Variants in TFB1M observed in about 807,000 individuals in gnomAD.
TFB1M encodes the protein transcription factor B1, mitochondrial.
Under a neutral mutation model 31.1 loss-of-function variants are expected in TFB1M, and 27 were observed. The ratio of observed to expected loss-of-function variants is 0.87; its 90% confidence interval spans 0.64 to 1.20. The LOEUF (loss-of-function observed/expected upper bound fraction) is 1.20, where lower values mean the gene tolerates loss of function less well. TFB1M is among the 50% of genes most tolerant of loss of function. The pLI, the probability that TFB1M is intolerant of heterozygous loss-of-function variation, is 0.00. For synonymous variants in TFB1M, 166 were observed against 151.8 expected (o/e 1.09, Z -0.69); for missense variants, 394 against 418.7 (o/e 0.94, Z 0.51).
chr6:155,250,022 T>A, the TFB1M span: 1 of 1,384,730 alleles, frequency 7.2e-7, no homozygotes, highest in South Asian at 1.3e-5. Context: ...GTGGGGTCTG[T>A]AGGTGACCTT....
chr6:155,240,895 G>A, the TFB1M span, among the ~76,000 whole-genome samples: 1 of 152,176 alleles, frequency 6.6e-6, no homozygotes, highest in African/African-American at 2.4e-5. Context: ...AAGAGCTGAG[G>A]AGACTCAGAA....
chr6:155,285,559 A>T (rs577627628), intron 4 of TFB1M, among the ~76,000 whole-genome samples: 49 of 152,232 alleles, frequency 3.2e-4, no homozygotes, highest in Non-Finnish European at 6.2e-4. Context: ...AACCACTGTT[A>T]TATTCTATAG....
the TFB1M span, among the ~76,000 whole-genome samples, chr6:155,246,000 A>G: frequency 0.05 from 7,633 of 151,986 alleles, 262 homozygotes; most frequent in East Asian, 0.18. Context: ...TTTTCTTGCC[A>G]AATTCCTTTC....
chr6:155,253,047 C>T (rs761456067), downstream of TFB1M: 2 of 1,613,506 alleles, frequency 1.2e-6, no homozygotes, highest in Non-Finnish European at 1.7e-6. Context: ...ACTGGGGAAT[C>T]CAGCAGGTAA....
intron 6 of TFB1M, among the ~76,000 whole-genome samples, chr6:155,258,351 T>C (rs1038385493): frequency 6.6e-6 from 1 of 152,140 alleles, no homozygotes; most frequent in African/African-American, 2.4e-5. Context: ...TAAAGGTAAG[T>C]AAGTAAGTTT....
chr6:155,290,436 TA>T (rs1293383016), intron 4 of TFB1M, among the ~76,000 whole-genome samples: 1 of 146,740 alleles, frequency 6.8e-6, no homozygotes, highest in East Asian at 2.0e-4. Flanking sequence ...ATATAGTATA[TA>T]TATATTCTCC....
At chr6:155,245,758 T>TTTTTG in the TFB1M span, 1 of 1,430,212 alleles carries the variant, frequency 7.0e-7, no homozygotes, top group African/African-American at 1.5e-5. Flanking sequence ...TTTTATAGTT[T>TTTTTG]TTTTTTTTTT....
rs755296671 is a variant in TFB1M, at chr6:155,314,473, C to T, written c.-45G>A. The T allele has an allele frequency of 2.5e-6, 4 of 1,609,020 alleles. No individual in the cohort carries two copies. The highest frequency in any genetic ancestry group is 3.4e-6 in the Non-Finnish European group (4 of 1,176,382). On this transcript the variant is annotated 5_prime_UTR_variant, in exon 1 of 7. Coordinates refer to ENST00000367166, the MANE Select transcript of TFB1M (RefSeq NM_016020.4). ...CCAACCCTACCTCACCCAGGACCTTCACCGCCGCTCCGAAAGAAACGCGCA... is the reference window on the plus strand; with the variant it reads ...CCAACCCTACCTCACCCAGGACCTTTACCGCCGCTCCGAAAGAAACGCGCA...
chr6:155,230,150 GGCT>G, the TFB1M span, among the ~76,000 whole-genome samples: 1 of 151,366 alleles, frequency 6.6e-6, no homozygotes, highest in African/African-American at 2.4e-5. Context: ...AGGCAACAGG[GGCT>G]GCTGAACTCA....
At chr6:155,256,019 A>AGGGG (rs71558246), downstream of TFB1M, 8 of 146,472 alleles carry the variant, frequency 5.5e-5, no homozygotes, top group Admixed American at 7.8e-5. Context: ...TTAAAAAAAA[A>AGGGG]GGGGGGGGGA....
chr6:155,257,886 T>C lies in TFB1M; in HGVS notation c.991A>G (p.Ser331Gly). 6.2e-7 allele frequency: 1 copy of C among 1,614,216 alleles called. No homozygotes were observed. Among genetic ancestry groups the C allele is most frequent in the African/African-American group, 1.3e-5 (1 of 75,044 alleles). Reference sequence around the variant, plus strand: ...TCCTCTTCTTTTTCTTCATTTTTGCTTTTTCTTCGCTTGAGTTCTTCTCTG... The same window carrying C: ...TCCTCTTCTTTTTCTTCATTTTTGCCTTTTCTTCGCTTGAGTTCTTCTCTG... ...NFREELKRRK[S>G]KNEEKEEDDA... The change falls in exon 7 of 7, where the codon AGC becomes GGC. Residue 331 changes from serine (S) to glycine (G), a missense_variant. Transcript: ENST00000367166.
intron 4 of TFB1M, among the ~76,000 whole-genome samples, chr6:155,295,364 C>CA (rs548326228): frequency 0.018 from 1,820 of 102,052 alleles, 25 homozygotes; most frequent in Non-Finnish European, 0.021. Flanking sequence ...AGACTCTGTC[C>CA]AAAAAAAAAA....
chr6:155,254,518 G>GT (rs1442629939), downstream of TFB1M: 2 of 1,614,042 alleles, frequency 1.2e-6, no homozygotes, highest in Non-Finnish European at 1.7e-6. Flanking sequence ...TGGAGAAAAC[G>GT]TGTAAGGATC....
intron 5 of TFB1M, among the ~76,000 whole-genome samples, chr6:155,283,957 AT>A (rs1266411632): frequency 6.6e-6 from 1 of 152,236 alleles, no homozygotes; most frequent in African/African-American, 2.4e-5. Flanking sequence ...CAGTCATCAA[AT>A]TCTGTCTTGG....
chr6:155,303,551 A>G (rs1224921199), intron 2 of TFB1M: 2 of 152,246 alleles, frequency 1.3e-5, no homozygotes, highest in Non-Finnish European at 2.9e-5. Flanking sequence ...TGTTATGATT[A>G]ACTATGGTAA....
In TFB1M at chr6:155,256,642, A is replaced by G. The variant is rs1479811737; in HGVS notation, c.*1194T>C. ...GGCTGAGGGCAGGCAGGACTCCAAGAGCACTTCTCCCGGGAAATACCCACA... is the reference window on the plus strand; with the variant it reads ...GGCTGAGGGCAGGCAGGACTCCAAGGGCACTTCTCCCGGGAAATACCCACA... On this transcript the variant is annotated 3_prime_UTR_variant, in exon 7 of 7. Coordinates refer to ENST00000367166, the MANE Select transcript of TFB1M (RefSeq NM_016020.4). 2 of 1,614,200 alleles carry G rather than the reference A, an allele frequency of 1.2e-6. No individual in the cohort carries two copies.
intron 5 of TFB1M, among the ~76,000 whole-genome samples, chr6:155,265,942 C>A (rs1171269348): frequency 6.6e-6 from 1 of 151,694 alleles, no homozygotes; most frequent in Non-Finnish European, 1.5e-5. Flanking sequence ...GCATCCAGCA[C>A]GTGAGAAAAG....
At chr6:155,298,427 A>G (rs1234585709) in intron 3 of TFB1M, 50 bp downstream of exon 3, 1 of 914,466 alleles carries the variant, frequency 1.1e-6, no homozygotes, top group Non-Finnish European at 1.8e-6. Context: ...AACATTTGTG[A>G]TATAAATAAT....
chr6:155,272,631 G>C (rs1052693836), intron 5 of TFB1M, among the ~76,000 whole-genome samples: 1 of 151,976 alleles, frequency 6.6e-6, no homozygotes, highest in Non-Finnish European at 1.5e-5. Flanking sequence ...AGGGTAAAGC[G>C]CAATGCAGCT....
Sources: gnomAD v4.1 joint callset for allele counts (sites outside exome capture counted in the v4.1 genomes callset) on GRCh38, gnomAD v4.1.1 for gene constraint, MANE v1.5 for transcripts, NCBI Gene and HGNC (gene_info 2026-07-23, HGNC 2026-07-21) for gene names.